Variants in MALRD1 observed in about 807,000 individuals in gnomAD.
MALRD1 encodes MAM and LDL-receptor class A domain-containing protein 1.
MALRD1 carries 247 observed loss-of-function variants against 242.1 expected under a neutral mutation model. The ratio of observed to expected loss-of-function variants is 1.02; its 90% CI spans 0.92 to 1.13. The LOEUF (loss-of-function observed/expected upper bound fraction) is 1.13. MALRD1 is among the 50% of genes most tolerant of loss of function. The probability of loss-of-function intolerance (pLI) is 0.00; values close to 1 mark genes in which losing one functional copy is unlikely to be tolerated. For missense variants in MALRD1, 2,989 were observed against 2,533.1 expected (o/e 1.18, Z -3.86); for synonymous variants, 995 against 866.6 (o/e 1.15, Z -2.60).
intron 4 of MALRD1, among the ~76,000 whole-genome samples, chr10:19,095,750 A>G (rs564765103): frequency 1.3e-5 from 2 of 152,286 alleles, no homozygotes; most frequent in Admixed American, 1.3e-4. Context: ...TGGATGCTCA[A>G]GTGTTATTAA....
intron 29 of MALRD1, among the ~76,000 whole-genome samples, chr10:19,468,341 G>C (rs923084437): frequency 1.3e-5 from 2 of 151,860 alleles, no homozygotes; most frequent in Non-Finnish European, 2.9e-5. Context: ...ATATTAAAAG[G>C]TTCTTTTAAT....
chr10:19,615,725 T>G (rs889664784), intron 35 of MALRD1, 132 bp from the exon 36 acceptor site: 2 of 705,302 alleles, frequency 2.8e-6, no homozygotes, highest in Non-Finnish European at 4.5e-6. Flanking sequence ...ATGGGAATTC[T>G]TTTGCTTTTT....
At chr10:19,711,473 C>T (rs1469361622) in intron 38 of MALRD1, among the ~76,000 whole-genome samples, 1 of 152,110 alleles carries the variant, frequency 6.6e-6, no homozygotes, top group Non-Finnish European at 1.5e-5. Flanking sequence ...CTCAATACTG[C>T]AATAAGCATA....
intron 36 of MALRD1, among the ~76,000 whole-genome samples, chr10:19,676,905 G>C (rs1398889561): frequency 2.0e-5 from 3 of 152,170 alleles, no homozygotes; most frequent in Non-Finnish European, 1.5e-5. Flanking sequence ...TTATAAGTGA[G>C]AACATTCAGT....
intron 8 of MALRD1, among the ~76,000 whole-genome samples, chr10:19,132,396 C>T (rs1464182122): frequency 6.6e-6 from 1 of 152,224 alleles, no homozygotes; most frequent in African/African-American, 2.4e-5. Context: ...GTGTGCTTCA[C>T]TGTCTTGTGG....
intron 26 of MALRD1, among the ~76,000 whole-genome samples, chr10:19,376,663 C>T (rs1403166777): frequency 7.0e-6 from 1 of 142,612 alleles, no homozygotes; most frequent in Non-Finnish European, 1.5e-5. Flanking sequence ...TCAAGTGATT[C>T]TCCTGCCTCA....
chr10:19,534,501 C>A (rs1277421468), intron 32 of MALRD1, among the ~76,000 whole-genome samples: 1 of 152,056 alleles, frequency 6.6e-6, no homozygotes, highest in African/African-American at 2.4e-5. Context: ...AGATGTGGAC[C>A]CATGTTTGTG....
intron 26 of MALRD1, among the ~76,000 whole-genome samples, chr10:19,364,604 A>G (rs974050227): frequency 1.3e-5 from 2 of 152,132 alleles, no homozygotes; most frequent in African/African-American, 4.8e-5. Flanking sequence ...GTTCTAGTTA[A>G]ATGAAAACCA....
intron 26 of MALRD1, among the ~76,000 whole-genome samples, chr10:19,355,859 T>TATATATATATATATATATATATATATAC (rs1348787430): frequency 0.01 from 182 of 18,182 alleles, 6 homozygotes; most frequent in African/African-American, 0.013. Flanking sequence ...ATATATATAT[T>TATATATATATATATATATATATATATAC]ATATATGATA....
chr10:19,127,358 A>T (rs1837314905), intron 7 of MALRD1, among the ~76,000 whole-genome samples: 2 of 152,212 alleles, frequency 1.3e-5, no homozygotes, highest in South Asian at 4.1e-4. Context: ...GTAAGCTTTT[A>T]CATTACGTTT....
chr10:19,678,683 A>T (rs549126081), intron 36 of MALRD1, among the ~76,000 whole-genome samples: 3 of 152,250 alleles, frequency 2.0e-5, no homozygotes, highest in African/African-American at 7.2e-5. Context: ...TTCCAATTCT[A>T]TGTTGAATAG....
chr10:19,636,463 C>T (rs942989049), intron 36 of MALRD1, among the ~76,000 whole-genome samples: 3 of 151,940 alleles, frequency 2.0e-5, no homozygotes, highest in Non-Finnish European at 4.4e-5. Flanking sequence ...AAGTATAGAC[C>T]AATCTTTCTT....
chr10:19,241,200 T>G (rs1838755338), intron 18 of MALRD1, among the ~76,000 whole-genome samples: 1 of 151,772 alleles, frequency 6.6e-6, no homozygotes, highest in Non-Finnish European at 1.5e-5. Context: ...GGGTGTTGGT[T>G]GTTGTTGTTG....
chr10:19,515,784 G>A (rs558541418), intron 31 of MALRD1, among the ~76,000 whole-genome samples: 24 of 152,158 alleles, frequency 1.6e-4, no homozygotes, highest in African/African-American at 5.5e-4. Context: ...TAGCCAGGAT[G>A]GTCTCAATCT....
chr10:19,694,465 T>G (rs1186522673), intron 38 of MALRD1, among the ~76,000 whole-genome samples: 1 of 152,024 alleles, frequency 6.6e-6, no homozygotes, highest in Non-Finnish European at 1.5e-5. Flanking sequence ...AACAGACACA[T>G]GAAAAAATGC....
intron 26 of MALRD1, among the ~76,000 whole-genome samples, chr10:19,361,007 T>C (rs530092559): frequency 1.3e-5 from 2 of 152,156 alleles, no homozygotes; most frequent in Admixed American, 1.3e-4. Flanking sequence ...CCTAAACAAG[T>C]TGTCATTGTT....
chr10:19,111,368 G>A (rs190267826), intron 5 of MALRD1, among the ~76,000 whole-genome samples: 1 of 152,286 alleles, frequency 6.6e-6, no homozygotes, highest in African/African-American at 2.4e-5. Flanking sequence ...GAGGTGGTGT[G>A]GAGAAGAAAT....
intron 28 of MALRD1, among the ~76,000 whole-genome samples, chr10:19,423,283 G>C (rs982400991): frequency 6.6e-6 from 1 of 151,618 alleles, no homozygotes; most frequent in African/African-American, 2.4e-5. Context: ...CTCTAAATTT[G>C]CTCTCTGTGG....
At chr10:19,118,438 G>A (rs1238367153) in intron 5 of MALRD1, among the ~76,000 whole-genome samples, 1 of 152,164 alleles carries the variant, frequency 6.6e-6, no homozygotes, top group Admixed American at 6.5e-5. Context: ...AACTGGAAGA[G>A]GGGGCTTCCA....
Sources: allele counts gnomAD v4.1 joint callset (sites outside exome capture counted in the v4.1 genomes callset), GRCh38; gene constraint gnomAD v4.1.1; transcripts MANE v1.5; gene names NCBI Gene and HGNC (gene_info 2026-07-23, HGNC 2026-07-21).